ADAMTSL1: variants seen among roughly 807,000 people sequenced by gnomAD.
ADAMTSL1 encodes the protein ADAMTS like 1.
Under a neutral mutation model 201.8 loss-of-function variants are expected in ADAMTSL1, and 126 were observed. That is an observed-to-expected ratio of 0.62 (90% confidence interval 0.54 to 0.72). The LOEUF (loss-of-function observed/expected upper bound fraction) is 0.72, where lower values mean the gene tolerates loss of function less well. Ranked by LOEUF, ADAMTSL1 falls within the 30% of genes least tolerant of loss-of-function variation. ADAMTSL1 has a pLI of 0.00. For synonymous variants in ADAMTSL1, 1,121 were observed against 903.4 expected (o/e 1.24, Z -4.32); for missense variants, 2,679 against 2,277.8 (o/e 1.18, Z -3.59).
intron 2 of ADAMTSL1, among the ~76,000 whole-genome samples, chr9:18,531,281 A>G (rs1040200969): frequency 1.3e-5 from 2 of 152,224 alleles, no homozygotes; most frequent in Admixed American, 6.5e-5. Context: ...AGCTTGATCA[A>G]CCTGACACCG....
intron 1 of ADAMTSL1, among the ~76,000 whole-genome samples, chr9:18,111,203 T>C (rs1217422872): frequency 5.3e-5 from 8 of 152,208 alleles, no homozygotes; most frequent in African/African-American, 1.2e-4. Flanking sequence ...TATGCTATCT[T>C]CCCAATCATC....
intron 1 of ADAMTSL1, among the ~76,000 whole-genome samples, chr9:18,481,511 T>C (rs1821728955): frequency 6.6e-6 from 1 of 152,182 alleles, no homozygotes; most frequent in South Asian, 2.1e-4. Flanking sequence ...GTTTTTTTTT[T>C]TTTTAATTTT....
intron 1 of ADAMTSL1, among the ~76,000 whole-genome samples, chr9:18,025,551 C>G (rs1202328732): frequency 6.6e-6 from 1 of 152,006 alleles, no homozygotes; most frequent in Admixed American, 6.6e-5. Context: ...TGTCAAAGAT[C>G]AGATGGTTGC....
At chr9:18,290,765 C>G (rs1296082292) in intron 2 of ADAMTSL1, among the ~76,000 whole-genome samples, 1 of 140,190 alleles carries the variant, frequency 7.1e-6, no homozygotes, top group Non-Finnish European at 1.5e-5. Flanking sequence ...GGGTTGAAAG[C>G]TGGCTTTTTT....
chr9:18,050,786 T>A (rs1180237550), intron 1 of ADAMTSL1, among the ~76,000 whole-genome samples: 1 of 152,110 alleles, frequency 6.6e-6, no homozygotes, highest in Admixed American at 6.5e-5. Context: ...ACATAAGAGA[T>A]GAGGCTGCCT....
chr9:18,180,532 CAAAAA>C (rs71333030), intron 2 of ADAMTSL1, among the ~76,000 whole-genome samples: 1 of 92,146 alleles, frequency 1.1e-5, no homozygotes, highest in Non-Finnish European at 2.0e-5. Flanking sequence ...GACTCCGTGT[CAAAAA>C]AAAAAAAAAA....
At chr9:18,514,469 A>G (rs1021078354) in intron 2 of ADAMTSL1, among the ~76,000 whole-genome samples, 2 of 151,272 alleles carry the variant, frequency 1.3e-5, no homozygotes, top group African/African-American at 2.4e-5. Flanking sequence ...AGCTGGGACT[A>G]CAGGCACCCG....
intron 2 of ADAMTSL1, among the ~76,000 whole-genome samples, chr9:18,378,869 G>C (rs1372858392): frequency 6.6e-6 from 1 of 152,150 alleles, no homozygotes; most frequent in Non-Finnish European, 1.5e-5. Context: ...GATCAAGACA[G>C]GGATAGGGAA....
At chr9:17,916,804 G>A (rs557709665) in intron 1 of ADAMTSL1, among the ~76,000 whole-genome samples, 54 of 152,232 alleles carry the variant, frequency 3.5e-4, no homozygotes, top group African/African-American at 1.3e-3. Flanking sequence ...GAATCAGATT[G>A]CCAATTAAAA....
intron 2 of ADAMTSL1, among the ~76,000 whole-genome samples, chr9:18,439,491 C>A (rs540516613): frequency 1.3e-5 from 2 of 152,164 alleles, no homozygotes; most frequent in South Asian, 4.2e-4. Context: ...CTCAGCCTCC[C>A]GAGTAGCTGG....
intron 2 of ADAMTSL1, among the ~76,000 whole-genome samples, chr9:18,312,893 C>T (rs1834209992): frequency 6.6e-6 from 1 of 152,176 alleles, no homozygotes; most frequent in South Asian, 2.1e-4. Context: ...TGGCCACCAG[C>T]CAGTAACGCA....
At chr9:18,663,093 CTATTT>C (rs1829207106) in intron 9 of ADAMTSL1, among the ~76,000 whole-genome samples, 1 of 152,098 alleles carries the variant, frequency 6.6e-6, no homozygotes, top group African/African-American at 2.4e-5. Flanking sequence ...GCAAATCATT[CTATTT>C]TGAGGTGATA....
At chr9:18,708,937 A>T (rs1006081552) in intron 14 of ADAMTSL1, among the ~76,000 whole-genome samples, 1 of 152,200 alleles carries the variant, frequency 6.6e-6, no homozygotes, top group African/African-American at 2.4e-5. Context: ...TTTAATTTAA[A>T]ATGTTTTTAG....
chr9:18,001,792 C>T (rs531700285), intron 1 of ADAMTSL1, among the ~76,000 whole-genome samples: 6 of 152,004 alleles, frequency 3.9e-5, no homozygotes, highest in African/African-American at 1.4e-4. Context: ...AGGAGCATCG[C>T]AGAGAGGGCC....
At chr9:18,890,679 C>G in intron 25 of ADAMTSL1, 1 of 445,030 alleles carries the variant, frequency 2.2e-6, no homozygotes, top group Non-Finnish European at 4.5e-6. Flanking sequence ...CCTTTTATAC[C>G]CTTCCTGAAC....
chr9:18,692,271 C>G (rs1243723273), intron 13 of ADAMTSL1, among the ~76,000 whole-genome samples: 1 of 152,134 alleles, frequency 6.6e-6, no homozygotes, highest in Non-Finnish European at 1.5e-5. Flanking sequence ...AAAAAGCAAC[C>G]TCTCTCTACT....
rs1824397598 is a variant in ADAMTSL1 at position 18,099,345 on chromosome 9, ATATATATATATTTT to A, written c.88-64515_88-64502del. Among the ~76,000 whole-genome samples, 21 of 46,218 alleles carry A rather than the reference ATATATATATATTTT, an allele frequency of 4.5e-4. 1 individual carries two copies. The South Asian group carries it at 0.014, about 31-fold the overall frequency. 30.3% of individuals were successfully genotyped at this position (46,218 alleles called of 152,430 possible). A position where few individuals can be genotyped will look rare whatever the true frequency, so the allele number is the denominator to read the frequency against. On this transcript the variant is annotated intron_variant, in intron 1 of 29. Coordinates refer to the ADAMTSL1 transcript ENST00000680146. ...ATGGAAAATATATATATATATATAT[ATATATATATATTTT>A]TTTTTTTTTTTTTAACATCCATTAA...
chr9:18,478,255 T>C (rs1437515793), intron 1 of ADAMTSL1, among the ~76,000 whole-genome samples: 1 of 152,154 alleles, frequency 6.6e-6, no homozygotes, highest in Non-Finnish European at 1.5e-5. Context: ...TTTTAAAAAC[T>C]TAGTTTACTT....
intron 2 of ADAMTSL1, among the ~76,000 whole-genome samples, chr9:18,342,543 T>C (rs1835511871): frequency 6.6e-6 from 1 of 152,144 alleles, no homozygotes; most frequent in South Asian, 2.1e-4. Context: ...AAAATATCAC[T>C]TTTTACTTAT....
Sources: allele counts gnomAD v4.1 joint callset (sites outside exome capture counted in the v4.1 genomes callset), GRCh38; gene constraint gnomAD v4.1.1; transcripts MANE v1.5; gene names NCBI Gene and HGNC (gene_info 2026-07-23, HGNC 2026-07-21).